The following KIT variants were observed in gnomAD, a reference collection of about 807,000 sequenced individuals.
KIT encodes KIT proto-oncogene, receptor tyrosine kinase, also known as mast/stem cell growth factor receptor Kit.
Under a neutral mutation model 105.7 loss-of-function variants are expected in KIT, and 16 were observed. The observed-to-expected ratio is 0.15, with a 90% confidence interval of 0.10 to 0.23. The LOEUF is 0.23. KIT is among the 10% of genes least tolerant of loss of function. The pLI is 1.00. For synonymous variants in KIT, 438 were observed against 441.1 expected (o/e 0.99, Z 0.09); for missense variants, 858 against 1,213.8 (o/e 0.71, Z 4.36).
At chr4:54,695,038 A>G (rs1372988368) in intron 1 of KIT, among the ~76,000 whole-genome samples, 1 of 152,216 alleles carries the variant, frequency 6.6e-6, no homozygotes, top group Non-Finnish European at 1.5e-5. Flanking sequence ...ATACAGAAAT[A>G]ACTGAATTCA....
At chr4:54,673,013 A>G (rs1718220481) in intron 1 of KIT, among the ~76,000 whole-genome samples, 1 of 152,156 alleles carries the variant, frequency 6.6e-6, no homozygotes, top group Non-Finnish European at 1.5e-5. Context: ...ATCTGATGAT[A>G]ATCTTATTTT....
chr4:54,659,608 T>TCTGGA (rs1158469382), intron 1 of KIT, among the ~76,000 whole-genome samples: 1 of 152,030 alleles, frequency 6.6e-6, no homozygotes, highest in Non-Finnish European at 1.5e-5. Flanking sequence ...AGGCCTTGCA[T>TCTGGA]CTGGACCCCT....
In KIT at chr4:54,678,742, C is replaced by T. The variant is rs867686048; in HGVS notation, c.68-16770C>T. 2.0e-5 allele frequency among the ~76,000 whole-genome samples: 3 copies of T among 152,230 alleles called. No homozygotes were observed. The South Asian group carries it at 6.2e-4, about 32-fold the overall frequency. On this transcript the variant is annotated intron_variant, in intron 1 of 20. Coordinates refer to ENST00000288135, the MANE Select transcript of KIT (RefSeq NM_000222.3). ...CCTCCTTCTAAACTTTCCAATATTGCTGAGTAAAGTTACAAAGCTGGACCC... is the reference window on the plus strand; with the variant it reads ...CCTCCTTCTAAACTTTCCAATATTGTTGAGTAAAGTTACAAAGCTGGACCC...
intron 7 of KIT, among the ~76,000 whole-genome samples, chr4:54,720,681 C>T (rs1721814513): frequency 6.6e-6 from 1 of 152,156 alleles, no homozygotes; most frequent in Non-Finnish European, 1.5e-5. Flanking sequence ...TTTCCTCCGC[C>T]TATTAAGTTA....
chr4:54,729,877 A>G (rs1223387121), intron 14 of KIT, among the ~76,000 whole-genome samples: 1 of 152,192 alleles, frequency 6.6e-6, no homozygotes, highest in Admixed American at 6.5e-5. Context: ...AAGTTGCCAC[A>G]GTAAAGTCCC....
chr4:54,704,980 G>T (rs1720695280), intron 5 of KIT, among the ~76,000 whole-genome samples: 1 of 152,156 alleles, frequency 6.6e-6, no homozygotes, highest in African/African-American at 2.4e-5. Flanking sequence ...ACATGGAAAA[G>T]ATACTTTACT....
rs1186424416 is a variant in KIT at position 54,699,699 on chromosome 4, C to T, written c.689C>T (p.Thr230Ile). The change falls in exon 4 of 21, where the codon ACA (threonine) becomes ATA (isoleucine). Residue 230 changes from threonine to isoleucine, a missense_variant. Around this residue, in one of 7 missense-constraint regions of KIT, gnomAD observed 401 missense variants for 601.0 expected, o/e 0.67. Coordinates refer to ENST00000288135, the MANE Select transcript of KIT (RefSeq NM_000222.3). The stretch of plus-strand genomic sequence containing the variant: ...CTTCTTAGGGAAGGGGAAGAATTCA[C>T]AGTGACGTGCACAATAAAAGATGTG... ...SYLLREGEEF[T>I]VTCTIKDVSS... 1 of 1,613,802 alleles carries T rather than the reference C, an allele frequency of 6.2e-7. No individual in the cohort carries two copies. The highest frequency in any genetic ancestry group is 1.3e-5 in the African/African-American group (1 of 74,904).
At chr4:54,675,443 C>A (rs952034480) in intron 1 of KIT, among the ~76,000 whole-genome samples, 1 of 152,142 alleles carries the variant, frequency 6.6e-6, no homozygotes, top group Non-Finnish European at 1.5e-5. Context: ...AAGTGAATGT[C>A]ACCCAAGAAA....
intron 1 of KIT, among the ~76,000 whole-genome samples, chr4:54,664,939 T>G (rs1332275049): frequency 6.6e-6 from 1 of 151,884 alleles, no homozygotes; most frequent in Non-Finnish European, 1.5e-5. Flanking sequence ...ATTTACTACC[T>G]TAATCATCTT....
Position 54,666,472 on chromosome 4 carries a change from G to T in KIT, c.67+8391G>T, listed in dbSNP as rs570725484. Among the ~76,000 whole-genome samples the T allele has an allele frequency of 1.2e-4, 19 of 152,200 alleles. No homozygotes were observed. The East Asian group carries it at 3.7e-3, about 29-fold the overall frequency. ...TTTTTGTATTTTTAGTAGAGACGGG[G>T]TTTCACCATGTTGGCCAGGATGGTC... On this transcript the variant is annotated intron_variant, in intron 1 of 20. Coordinates refer to ENST00000288135, the MANE Select transcript of KIT (RefSeq NM_000222.3).
intron 7 of KIT, among the ~76,000 whole-genome samples, chr4:54,718,007 G>A (rs924683034): frequency 2.6e-5 from 4 of 152,170 alleles, no homozygotes; most frequent in African/African-American, 4.8e-5. Flanking sequence ...ACGTAATCTC[G>A]TGATTGGGAT....
At chr4:54,723,454 G>A in intron 7 of KIT, 130 bp from the exon 8 acceptor site, 1 of 705,876 alleles carries the variant, frequency 1.4e-6, no homozygotes. Context: ...TTCAGATTCT[G>A]CCCTTTGAAC....
chr4:54,736,928 A>G (rs1326665460), intron 19 of KIT, 108 bp downstream of exon 19: 3 of 832,106 alleles, frequency 3.6e-6, no homozygotes, highest in Non-Finnish European at 6.1e-6. Flanking sequence ...TTGAAATGTC[A>G]CTTGGATTCT....
intron 1 of KIT, among the ~76,000 whole-genome samples, chr4:54,671,210 T>C (rs1233400563): frequency 6.6e-6 from 1 of 152,194 alleles, no homozygotes; most frequent in African/African-American, 2.4e-5. Context: ...CGCCTCAAAT[T>C]GAGAACTGAC....
chr4:54,702,399 G>A (rs1282245794), intron 4 of KIT, among the ~76,000 whole-genome samples: 2 of 151,800 alleles, frequency 1.3e-5, no homozygotes, highest in African/African-American at 2.4e-5. Flanking sequence ...TTAAATATAA[G>A]TCTTCAAAAT....
chr4:54,684,508 T>G (rs1719173197), intron 1 of KIT, among the ~76,000 whole-genome samples: 1 of 152,164 alleles, frequency 6.6e-6, no homozygotes, highest in Non-Finnish European at 1.5e-5. Context: ...TCTTTCTTTA[T>G]TGCCATCTTC....
intron 1 of KIT, among the ~76,000 whole-genome samples, chr4:54,677,124 A>G (rs1438403444): frequency 1.3e-5 from 2 of 152,146 alleles, no homozygotes; most frequent in Non-Finnish European, 2.9e-5. Context: ...GCACACAGCA[A>G]GCTTTATTAT....
chr4:54,713,809 T>C (rs948575278), intron 7 of KIT, among the ~76,000 whole-genome samples: 1 of 152,226 alleles, frequency 6.6e-6, no homozygotes, highest in African/African-American at 2.4e-5. Flanking sequence ...TCTGACAATT[T>C]GTGTTAAGAA....
chr4:54,703,473 T>C (rs1429466911), intron 4 of KIT, among the ~76,000 whole-genome samples: 1 of 152,168 alleles, frequency 6.6e-6, no homozygotes, highest in Non-Finnish European at 1.5e-5. Context: ...TTATACATAC[T>C]AGGGTTAAGA....
Sources: gnomAD v4.1 joint callset for allele counts (sites outside exome capture counted in the v4.1 genomes callset) on GRCh38, gnomAD v4.1.1 for gene constraint, gnomAD v4.1.1 regional missense constraint, MANE v1.5 for transcripts, NCBI Gene and HGNC (gene_info 2026-07-23, HGNC 2026-07-21) for gene names.